UBE3D: variants seen among roughly 807,000 people sequenced by gnomAD.
UBE3D encodes E3 ubiquitin-protein ligase E3D.
In UBE3D, 48 loss-of-function variants were observed where a neutral mutation model predicts 49.6. The ratio of observed to expected loss-of-function variants is 0.97; its 90% CI spans 0.77 to 1.23. The LOEUF (loss-of-function observed/expected upper bound fraction) is 1.23. Ranked by LOEUF, UBE3D falls within the 50% of genes most tolerant of loss-of-function variation. The probability of loss-of-function intolerance (pLI) is 0.00; values close to 1 mark genes in which losing one functional copy is unlikely to be tolerated. For missense variants in UBE3D, 452 were observed against 468.4 expected, an observed-to-expected ratio of 0.96 and a Z score of 0.32; for synonymous variants, 189 against 174.2, an observed-to-expected ratio of 1.08 and a Z score of -0.67.
At chr6:82,957,184 G>T in intron 9 of UBE3D, 128 bp downstream of exon 9, 1 of 932,718 alleles carries the variant, frequency 1.1e-6, no homozygotes, top group Non-Finnish European at 1.6e-6. Context: ...AGCAATACAT[G>T]CATTATGCTT....
the UBE3D span, among the ~76,000 whole-genome samples, chr6:82,884,539 A>G: frequency 6.6e-6 from 1 of 152,174 alleles, no homozygotes; most frequent in Non-Finnish European, 1.5e-5. Flanking sequence ...ATTTCACCTC[A>G]TTGTCTACTC....
At chr6:82,920,362 C>T (rs1219346168) in intron 9 of UBE3D, among the ~76,000 whole-genome samples, 3 of 152,208 alleles carry the variant, frequency 2.0e-5, no homozygotes, top group African/African-American at 7.2e-5. Flanking sequence ...TTGGCTTCTG[C>T]ATTCCTTTGA....
intron 8 of UBE3D, among the ~76,000 whole-genome samples, chr6:82,969,463 C>G (rs577035462): frequency 8.9e-4 from 135 of 152,126 alleles, no homozygotes; most frequent in African/African-American, 3.1e-3. Context: ...AAAAAAGTAG[C>G]CTGGCATGGT....
intron 5 of UBE3D, among the ~76,000 whole-genome samples, chr6:83,030,439 C>A (rs964725584): frequency 3.3e-5 from 5 of 152,114 alleles, no homozygotes; most frequent in Non-Finnish European, 7.4e-5. Context: ...TGCCTGCTAC[C>A]CTGTAAGACC....
intron 8 of UBE3D, among the ~76,000 whole-genome samples, chr6:82,991,118 C>G (rs572010509): frequency 1.1e-4 from 17 of 152,242 alleles, no homozygotes; most frequent in African/African-American, 3.6e-4. Context: ...ATGTTGGCAG[C>G]TGGATTCTCA....
chr6:83,031,100 C>T (rs867474901), intron 5 of UBE3D, among the ~76,000 whole-genome samples: 2 of 152,120 alleles, frequency 1.3e-5, no homozygotes, highest in Non-Finnish European at 2.9e-5. Flanking sequence ...CTCTGCCTCC[C>T]AAATTCAAGT....
chr6:82,956,901 G>A (rs578033353), intron 9 of UBE3D, among the ~76,000 whole-genome samples: 1 of 152,262 alleles, frequency 6.6e-6, no homozygotes, highest in Admixed American at 6.5e-5. Context: ...GCTGAGGCAC[G>A]CAGATTGCCT....
chr6:82,998,924 A>G (rs527438210), intron 8 of UBE3D, among the ~76,000 whole-genome samples: 1 of 152,214 alleles, frequency 6.6e-6, no homozygotes, highest in Non-Finnish European at 1.5e-5. Flanking sequence ...ATGTCACAGC[A>G]TAAGAAAGGT....
intron 4 of UBE3D, 31 bp from the exon 5 acceptor site, chr6:83,038,516 C>A: frequency 6.4e-7 from 1 of 1,564,684 alleles, no homozygotes; most frequent in South Asian, 1.2e-5. Flanking sequence ...ATTTAAATGT[C>A]ATTCAGCTTT....
intron 8 of UBE3D, among the ~76,000 whole-genome samples, chr6:83,003,435 CTT>C (rs1779766356): frequency 6.6e-6 from 1 of 152,056 alleles, no homozygotes; most frequent in South Asian, 2.1e-4. Flanking sequence ...TTTTCTGTCT[CTT>C]CTTTTATGAT....
At chr6:82,899,034 G>A (rs539647878) in intron 9 of UBE3D, among the ~76,000 whole-genome samples, 1 of 151,930 alleles carries the variant, frequency 6.6e-6, no homozygotes, top group Non-Finnish European at 1.5e-5. Context: ...AATTTAAGAT[G>A]GACCTTAACA....
At chr6:82,944,818 G>A (rs1775285245) in intron 9 of UBE3D, among the ~76,000 whole-genome samples, 1 of 152,208 alleles carries the variant, frequency 6.6e-6, no homozygotes, top group African/African-American at 2.4e-5. Context: ...ATCAGCGGTA[G>A]CTTGGCAGTA....
chr6:82,977,030 C>T (rs776153718), intron 8 of UBE3D, among the ~76,000 whole-genome samples: 1 of 138,710 alleles, frequency 7.2e-6, no homozygotes, highest in Admixed American at 7.9e-5. Flanking sequence ...AGGAGAATGG[C>T]GTCAACCCGG....
Position 82,939,888 on chromosome 6 carries a change from C to G in UBE3D, c.1149+17424G>C, listed in dbSNP as rs575908997. On this transcript the variant is annotated intron_variant, in intron 9 of 9. Coordinates refer to ENST00000369747, the MANE Select transcript of UBE3D (RefSeq NM_198920.3). Reference sequence around the variant, plus strand: ...ATAATTATAGACTTAGTAAGCTATACATCATCCCTGCTTCTCTCAATAAAG... The same window carrying G: ...ATAATTATAGACTTAGTAAGCTATAGATCATCCCTGCTTCTCTCAATAAAG... Among the ~76,000 whole-genome samples, 3 of 152,320 alleles carry G rather than the reference C, an allele frequency of 2.0e-5. No individual in the cohort carries two copies. The East Asian group carries it at 5.8e-4, about 29-fold the overall frequency.
chr6:83,017,755 C>A (rs906472689), intron 8 of UBE3D: 1 of 151,968 alleles, frequency 6.6e-6, no homozygotes, highest in Non-Finnish European at 1.5e-5. Flanking sequence ...AACAATTGTA[C>A]CTCTAGAAAT....
At chr6:82,988,140 A>G (rs1778648662) in intron 8 of UBE3D, among the ~76,000 whole-genome samples, 1 of 152,194 alleles carries the variant, frequency 6.6e-6, no homozygotes, top group Middle Eastern at 3.2e-3. Flanking sequence ...AGTTTTCACA[A>G]ATTCTTTTTG....
chr6:82,883,769 C>T, the UBE3D span, among the ~76,000 whole-genome samples: 1 of 152,192 alleles, frequency 6.6e-6, no homozygotes, highest in African/African-American at 2.4e-5. Flanking sequence ...GTTGGTAATG[C>T]TACATAACTG....
At chr6:82,887,808 G>A (rs1180960127), downstream of UBE3D, among the ~76,000 whole-genome samples, 1 of 152,100 alleles carries the variant, frequency 6.6e-6, no homozygotes, top group Non-Finnish European at 1.5e-5. Context: ...GACTAATTTT[G>A]TTACTTATAT....
At chr6:82,958,026 C>T (rs968500163) in intron 8 of UBE3D, among the ~76,000 whole-genome samples, 3 of 152,154 alleles carry the variant, frequency 2.0e-5, no homozygotes, top group East Asian at 3.9e-4. Context: ...GAAAGGTTGG[C>T]AGGAGGCCTC....
Sources: gnomAD v4.1 joint callset for allele counts (sites outside exome capture counted in the v4.1 genomes callset) on GRCh38, gnomAD v4.1.1 for gene constraint, MANE v1.5 for transcripts, NCBI Gene and HGNC (gene_info 2026-07-23, HGNC 2026-07-21) for gene names.